ARID1A: variants seen among roughly 807,000 people sequenced by gnomAD.
ARID1A encodes AT-rich interactive domain-containing protein 1A.
ARID1A carries 20 observed loss-of-function variants against 212.6 expected under a neutral mutation model. The ratio of observed to expected loss-of-function variants is 0.09; its 90% confidence interval spans 0.07 to 0.14. ARID1A has a LOEUF of 0.14. ARID1A is among the 10% of genes least tolerant of loss of function. The probability of loss-of-function intolerance (pLI) is 1.00; values close to 1 mark genes in which losing one functional copy is unlikely to be tolerated. For missense variants in ARID1A, 2,587 were observed against 3,059.0 expected (o/e 0.85, Z 3.64); for synonymous variants, 1,376 against 1,222.1 (o/e 1.13, Z -2.63).
chr1:26,732,625 G>T (rs375202729), intron 3 of ARID1A, 51 bp from the exon 4 acceptor site: 1 of 1,432,734 alleles, frequency 7.0e-7, no homozygotes, highest in African/African-American at 1.4e-5. Context: ...AAGTAAGCCT[G>T]CCTGGTTTAT....
intron 1 of ARID1A, among the ~76,000 whole-genome samples, chr1:26,707,489 A>G (rs2080404449): frequency 6.6e-6 from 1 of 150,818 alleles, no homozygotes; most frequent in African/African-American, 2.4e-5. Flanking sequence ...TTACAGGCAT[A>G]AGCCACCACG....
intron 4 of ARID1A, among the ~76,000 whole-genome samples, chr1:26,740,876 G>T (rs1171074552): frequency 6.6e-6 from 1 of 152,166 alleles, no homozygotes; most frequent in African/African-American, 2.4e-5. Flanking sequence ...AGAATAAGTG[G>T]GTTCTGTGTG....
At chr1:26,737,431 T>A (rs1222231191) in intron 4 of ARID1A, among the ~76,000 whole-genome samples, 2 of 152,194 alleles carry the variant, frequency 1.3e-5, no homozygotes, top group African/African-American at 4.8e-5. Flanking sequence ...CTCTACTTAC[T>A]TAAATGGTAA....
At chr1:26,742,527 A>G (rs553210029) in intron 4 of ARID1A, among the ~76,000 whole-genome samples, 41 of 152,188 alleles carry the variant, frequency 2.7e-4, no homozygotes, top group African/African-American at 9.4e-4. Context: ...CACCAACATC[A>G]CCGGGAAGCT....
intron 4 of ARID1A, among the ~76,000 whole-genome samples, chr1:26,748,311 CT>C (rs2080855541): frequency 6.6e-6 from 1 of 152,150 alleles, no homozygotes; most frequent in African/African-American, 2.4e-5. Context: ...CCTTATTACA[CT>C]TCTCATACCC....
chr1:26,730,006 T>A, intron 2 of ARID1A, 143 bp downstream of exon 2: 1 of 1,050,066 alleles, frequency 9.5e-7, no homozygotes, highest in Non-Finnish European at 1.4e-6. Flanking sequence ...AGAGTGCTAC[T>A]AACAAAGCCA....
In ARID1A at chr1:26,763,094, C is replaced by A. The variant is rs151274586; in HGVS notation, c.2541C>A (p.Ile847=). ...AGGQMHGQPG[I]PPYGTLPPGR... ...GTCAAATGCATGGACAGCCTGGCAT[C>A]CCACCTTATGGCACACTCCCTCCAG... Residue 847 remains isoleucine (I), a synonymous_variant, in exon 8 of 20, where the codon ATC becomes ATA. Coordinates refer to ENST00000324856, the MANE Select transcript of ARID1A (RefSeq NM_006015.6). The A allele has an allele frequency of 5.8e-4, 937 of 1,614,274 alleles. 7 individuals are homozygous for A. In the African/African-American group the frequency reaches 0.011, roughly 18 times the overall value.
rs2080259874 is a variant in ARID1A, at chr1:26,696,744, A to G, written c.341A>G (p.Asn114Ser). Residue 114 changes from asparagine (N) to serine (S), a missense_variant, in exon 1 of 20, where the codon AAC (asparagine) becomes AGC (serine). Around this residue, in one of 11 missense-constraint regions of ARID1A, gnomAD observed 735 missense variants for 590.6 expected, o/e 1.24. Coordinates refer to ENST00000324856, the MANE Select transcript of ARID1A (RefSeq NM_006015.6). The stretch of plus-strand genomic sequence containing the variant: ...AACGCGGGCCCTAGGCCCGCCCTGA[A>G]CAATAACCTCACGGAGCCGCCCGGC... ...NGNAGPRPAL[N>S]NNLTEPPGGG... The G allele has an allele frequency of 6.6e-6, 9 of 1,370,514 alleles. No individual in the cohort carries two copies. The highest frequency in any genetic ancestry group is 8.5e-6 in the Non-Finnish European group (9 of 1,064,684). The allele number at this position is 1,370,514 out of a possible 1,614,324, so 84.9% of individuals were successfully genotyped here.
intron 1 of ARID1A, among the ~76,000 whole-genome samples, chr1:26,704,289 A>G (rs907614293): frequency 3.3e-5 from 5 of 152,084 alleles, no homozygotes; most frequent in African/African-American, 1.2e-4. Flanking sequence ...TTGGATTTGG[A>G]AGGTCATGTC....
intron 1 of ARID1A, among the ~76,000 whole-genome samples, chr1:26,713,935 C>T (rs1293369969): frequency 6.6e-6 from 1 of 152,194 alleles, no homozygotes; most frequent in Admixed American, 6.5e-5. Context: ...CATAAAACCT[C>T]AAGTGACCAA....
At chr1:26,762,728 A>G (rs2081003654) in intron 7 of ARID1A, among the ~76,000 whole-genome samples, 1 of 152,250 alleles carries the variant, frequency 6.6e-6, no homozygotes, top group Non-Finnish European at 1.5e-5. Context: ...GCATGGAAAT[A>G]GAAAGGAAGT....
chr1:26,696,804 C>T lies in ARID1A; in HGVS notation c.401C>T (p.Ala134Val), dbSNP rs2080261324. The change falls in exon 1 of 20, where the codon GCG (alanine) becomes GTG (valine). Residue 134 changes from alanine (A) to valine (V), a missense_variant. Physicochemically the swap from Ala to Val is moderately conservative, Grantham distance 64. This residue lies in a region of ARID1A where 735 missense variants were observed against 590.6 expected (regional missense o/e 1.24). Coordinates refer to ENST00000324856, the MANE Select transcript of ARID1A (RefSeq NM_006015.6). Reference protein sequence around the residue: ...GGGGSSDGVGAPPHSAAAALP... With the variant: ...GGGGSSDGVGVPPHSAAAALP... The stretch of plus-strand genomic sequence containing the variant: ...GGCGGCAGCAGCGATGGGGTGGGGG[C>T]GCCTCCTCACTCAGCCGCGGCCGCC... The T allele has an allele frequency of 1.5e-6, 2 of 1,339,280 alleles. No individual in the cohort carries two copies. The highest frequency in any genetic ancestry group is 9.5e-7 in the Non-Finnish European group (1 of 1,049,298). 83.0% of individuals were successfully genotyped at this position (1,339,280 alleles called of 1,614,324 possible). A position where few individuals can be genotyped will look rare whatever the true frequency, so the allele number is the denominator to read the frequency against.
intron 4 of ARID1A, among the ~76,000 whole-genome samples, chr1:26,755,853 C>T (rs945208033): frequency 6.6e-6 from 1 of 151,778 alleles, no homozygotes; most frequent in African/African-American, 2.4e-5. Flanking sequence ...ACGCCATTCT[C>T]CTGCCTCAGC....
intron 19 of ARID1A, chr1:26,775,951 GT>G: frequency 1.6e-6 from 1 of 636,936 alleles, no homozygotes; most frequent in Non-Finnish European, 2.9e-6. Context: ...ACACTTTGTG[GT>G]ATTAGTAAGA....
chr1:26,737,548 C>T (rs765363202), intron 4 of ARID1A, among the ~76,000 whole-genome samples: 2 of 152,092 alleles, frequency 1.3e-5, no homozygotes, highest in African/African-American at 2.4e-5. Flanking sequence ...TAGAATTACC[C>T]AGGGGAGTGT....
chr1:26,763,228 G>A lies in ARID1A; in HGVS notation c.2675G>A (p.Arg892Gln), dbSNP rs1286907978. Residue 892 changes from arginine (R) to glutamine (Q), a missense_variant, in exon 8 of 20, where the codon CGG becomes CAG. Physicochemically the swap from Arg to Gln is conservative, Grantham distance 43. Coordinates refer to ENST00000324856, the MANE Select transcript of ARID1A (RefSeq NM_006015.6). ...TGTCCCCCACCAGGGGGCATGAACC[G>A]GAAAACCCAAGAAACTGCTGTCGCC... ...GMCPPPGGMN[R>Q]KTQETAVAMH... 6 of 1,613,560 alleles carry A rather than the reference G, an allele frequency of 3.7e-6. No individual in the cohort carries two copies. Among genetic ancestry groups the A allele is most frequent in the South Asian group, 1.1e-5 (1 of 91,042 alleles).
In ARID1A at chr1:26,774,775, T is replaced by TGCCCCCCAGGGCCCC; in HGVS notation, c.4552_4566dup (p.Pro1518_Ala1522dup). 6.2e-7 allele frequency: 1 copy of TGCCCCCCAGGGCCCC among 1,614,246 alleles called. No individual in the cohort carries two copies. Among genetic ancestry groups the TGCCCCCCAGGGCCCC allele is most frequent in the Non-Finnish European group, 8.5e-7 (1 of 1,180,032 alleles). ...ATGCCAACAGGCAGAGCACGGGCTC[T>TGCCCCCCAGGGCCCC]GCCCCCCAGGGCCCCGCCTATCATG... On this transcript the variant is annotated inframe_insertion, in exon 18 of 20. Coordinates refer to ENST00000324856, the MANE Select transcript of ARID1A (RefSeq NM_006015.6). The surrounding 1 kb of genome is among the most constrained non-coding windows in gnomAD (Gnocchi z 5.6).
intron 2 of ARID1A, among the ~76,000 whole-genome samples, chr1:26,730,554 C>G (rs1286759816): frequency 6.6e-6 from 1 of 151,954 alleles, no homozygotes; most frequent in Non-Finnish European, 1.5e-5. Context: ...TCTCTTTTTT[C>G]CAATAGAGGA....
intron 1 of ARID1A, among the ~76,000 whole-genome samples, chr1:26,712,690 C>A (rs1297016205): frequency 6.6e-6 from 1 of 152,144 alleles, no homozygotes; most frequent in Non-Finnish European, 1.5e-5. Context: ...CAGAGCAAGA[C>A]CCTGTCTCAA....
Sources: gnomAD v4.1 joint callset for allele counts (sites outside exome capture counted in the v4.1 genomes callset) on GRCh38, gnomAD v4.1.1 for gene constraint, gnomAD v4.1.1 regional missense constraint, Gnocchi (gnomAD v3.1) non-coding constraint, MANE v1.5 for transcripts, NCBI Gene and HGNC (gene_info 2026-07-23, HGNC 2026-07-21) for gene names.